The following AFG1L variants were observed in gnomAD, a reference collection of about 807,000 sequenced individuals.
AFG1L encodes the protein AFG1-like ATPase.
Under a neutral mutation model 62.2 loss-of-function variants are expected in AFG1L, and 53 were observed. The observed-to-expected ratio is 0.85, with a 90% CI of 0.68 to 1.07. The LOEUF (loss-of-function observed/expected upper bound fraction) is 1.07, where lower values mean the gene tolerates loss of function less well. AFG1L is among the 50% of genes least tolerant of loss of function. AFG1L has a pLI of 0.00. For missense variants in AFG1L, 555 were observed against 590.5 expected (o/e 0.94, Z 0.62); for synonymous variants, 228 against 210.3 (o/e 1.08, Z -0.73).
At chr6:108,389,171 T>C (rs1295792533) in intron 6 of AFG1L, among the ~76,000 whole-genome samples, 2 of 152,186 alleles carry the variant, frequency 1.3e-5, no homozygotes, top group Non-Finnish European at 2.9e-5. Context: ...TGGTTTAAAG[T>C]CTGTTTTTTG....
intron 6 of AFG1L, among the ~76,000 whole-genome samples, chr6:108,385,408 C>G (rs1050756425): frequency 1.3e-5 from 2 of 152,218 alleles, no homozygotes; most frequent in African/African-American, 2.4e-5. Context: ...GTGATCGATG[C>G]CTTAAGGACA....
In AFG1L at chr6:108,510,237, AAC is replaced by A. The variant is rs1262559929; in HGVS notation, c.1089_1090del (p.Glu363AspfsTer6). ...CCACTTGGAGCCAGTGACTATTTGG[AAC>A]TATCAAAGAATTTTGATACAATATT... is the stretch of plus-strand genomic sequence containing the variant. On this transcript the variant is annotated frameshift_variant, in exon 11 of 13. Transcript: ENST00000368977. LOFTEE classifies it high-confidence loss of function. The A allele has an allele frequency of 6.2e-7, 1 of 1,610,660 alleles. No homozygotes were observed.
chr6:108,304,008 A>T (rs1326085497), intron 1 of AFG1L, among the ~76,000 whole-genome samples: 1 of 151,996 alleles, frequency 6.6e-6, no homozygotes. Flanking sequence ...TTAAAGTACA[A>T]TTTTTTTTCC....
At chr6:108,329,218 G>T (rs1295093861) in intron 2 of AFG1L, among the ~76,000 whole-genome samples, 2 of 149,192 alleles carry the variant, frequency 1.3e-5, no homozygotes, top group African/African-American at 2.5e-5. Flanking sequence ...GGGATTACAG[G>T]CATGAGCCAC....
At chr6:108,441,484 G>T (rs1257753128) in intron 7 of AFG1L, among the ~76,000 whole-genome samples, 1 of 151,800 alleles carries the variant, frequency 6.6e-6, no homozygotes, top group Admixed American at 6.6e-5. Flanking sequence ...AATTTTGTTT[G>T]CTGGCTGATT....
chr6:108,422,325 G>A (rs2114691220), intron 7 of AFG1L, among the ~76,000 whole-genome samples: 1 of 151,826 alleles, frequency 6.6e-6, no homozygotes, highest in African/African-American at 2.4e-5. Context: ...GATTACTTGA[G>A]CTCAGGAGTT....
chr6:108,374,741 G>A (rs1026033110), intron 6 of AFG1L, among the ~76,000 whole-genome samples: 1 of 152,128 alleles, frequency 6.6e-6, no homozygotes, highest in Non-Finnish European at 1.5e-5. Flanking sequence ...TAGCCTTATG[G>A]TATAGTTTGA....
intron 11 of AFG1L, among the ~76,000 whole-genome samples, chr6:108,517,731 A>C (rs1018458349): frequency 1.3e-5 from 2 of 152,236 alleles, no homozygotes; most frequent in African/African-American, 4.8e-5. Flanking sequence ...ACAGAATGGG[A>C]GAAAAATTTT....
chr6:108,317,680 C>G (rs1777657518), intron 1 of AFG1L, among the ~76,000 whole-genome samples: 1 of 152,114 alleles, frequency 6.6e-6, no homozygotes, highest in Admixed American at 6.6e-5. Context: ...ATTAGTCTTA[C>G]AAAGGTGGCT....
intron 1 of AFG1L, among the ~76,000 whole-genome samples, chr6:108,303,903 G>A (rs1379610100): frequency 1.3e-5 from 2 of 152,138 alleles, no homozygotes; most frequent in Non-Finnish European, 2.9e-5. Context: ...GAATATTAAG[G>A]AGTTACTCAG....
At chr6:108,346,858 G>A in intron 2 of AFG1L, 130 bp from the exon 3 acceptor site, 1 of 669,942 alleles carries the variant, frequency 1.5e-6, no homozygotes, top group Non-Finnish European at 2.6e-6. Flanking sequence ...TTTATATCAA[G>A]TTTTTTTCTT....
intron 8 of AFG1L, among the ~76,000 whole-genome samples, chr6:108,454,669 T>C (rs1203168683): frequency 1.3e-5 from 2 of 152,206 alleles, no homozygotes; most frequent in Non-Finnish European, 2.9e-5. Context: ...ATTATTATTA[T>C]TGAGACAGAA....
intron 7 of AFG1L, among the ~76,000 whole-genome samples, chr6:108,443,699 A>G (rs1353658129): frequency 6.6e-6 from 1 of 151,890 alleles, no homozygotes; most frequent in Non-Finnish European, 1.5e-5. Flanking sequence ...ACAGGGAGAA[A>G]CCCTGTCTCC....
chr6:108,345,659 T>C (rs192699841), intron 2 of AFG1L, among the ~76,000 whole-genome samples: 2 of 152,294 alleles, frequency 1.3e-5, no homozygotes, highest in Non-Finnish European at 2.9e-5. Flanking sequence ...TGAGATTTTT[T>C]TTTTTTGATG....
At chr6:108,470,408 G>A (rs925908673) in intron 8 of AFG1L, among the ~76,000 whole-genome samples, 31 of 152,188 alleles carry the variant, frequency 2.0e-4, no homozygotes, top group African/African-American at 7.5e-4. Flanking sequence ...AATAGAAGTG[G>A]CACTGCTTAT....
intron 7 of AFG1L, among the ~76,000 whole-genome samples, chr6:108,424,263 G>A (rs1770720798): frequency 6.6e-6 from 1 of 152,066 alleles, no homozygotes; most frequent in African/African-American, 2.4e-5. Context: ...AGGCTCTCAT[G>A]AAGCTATTTA....
chr6:108,397,003 C>G (rs189022756), intron 6 of AFG1L, among the ~76,000 whole-genome samples: 71 of 152,124 alleles, frequency 4.7e-4, no homozygotes, highest in Non-Finnish European at 4.4e-4. Context: ...CTGTCAAATA[C>G]TAGGCCTTTT....
intron 1 of AFG1L, among the ~76,000 whole-genome samples, chr6:108,296,560 A>G (rs947925542): frequency 3.3e-5 from 5 of 152,166 alleles, no homozygotes; most frequent in African/African-American, 1.2e-4. Flanking sequence ...AGATAATGGT[A>G]TTAAAAAAAT....
intron 8 of AFG1L, among the ~76,000 whole-genome samples, chr6:108,475,265 A>T (rs1226905960): frequency 2.0e-5 from 3 of 152,186 alleles, no homozygotes; most frequent in African/African-American, 7.2e-5. Flanking sequence ...TATTGGTACC[A>T]GTACCAGGCT....
Sources: allele counts gnomAD v4.1 joint callset (sites outside exome capture counted in the v4.1 genomes callset), GRCh38; gene constraint gnomAD v4.1.1; transcripts MANE v1.5; gene names NCBI Gene and HGNC (gene_info 2026-07-23, HGNC 2026-07-21).